The following SRFBP1 variants were observed in gnomAD, a reference collection of about 807,000 sequenced individuals.
SRFBP1 encodes the protein serum response factor binding protein 1.
In SRFBP1, 47 loss-of-function variants were observed where a neutral mutation model predicts 45.5. The observed-to-expected ratio is 1.03, with a 90% CI of 0.82 to 1.32. The LOEUF (loss-of-function observed/expected upper bound fraction) is 1.32. SRFBP1 is among the 40% of genes most tolerant of loss of function. The pLI, the probability that SRFBP1 is intolerant of heterozygous loss-of-function variation, is 0.00. For missense variants in SRFBP1, 621 were observed against 484.6 expected (o/e 1.28, Z -2.64); for synonymous variants, 203 against 166.3 (o/e 1.22, Z -1.70).
intron 4 of SRFBP1, among the ~76,000 whole-genome samples, chr5:122,007,038 A>G (rs549701228): frequency 6.6e-6 from 1 of 152,160 alleles, no homozygotes; most frequent in Non-Finnish European, 1.5e-5. Context: ...TAGTGTTTGC[A>G]TACTTGCTTT....
chr5:121,969,680 G>A (rs897785060), intron 1 of SRFBP1, among the ~76,000 whole-genome samples: 8 of 152,168 alleles, frequency 5.3e-5, no homozygotes, highest in African/African-American at 1.9e-4. Flanking sequence ...CGCTGGGTAT[G>A]TAAGTCTTAA....
intron 2 of SRFBP1, among the ~76,000 whole-genome samples, chr5:122,068,993 T>C (rs535928585): frequency 6.6e-6 from 1 of 152,218 alleles, no homozygotes; most frequent in African/African-American, 2.4e-5. Flanking sequence ...CCATAAAACC[T>C]GCCAGGTTTT....
chr5:122,072,454 GT>G (rs941501692), intron 2 of SRFBP1, among the ~76,000 whole-genome samples: 1 of 152,138 alleles, frequency 6.6e-6, no homozygotes, highest in Non-Finnish European at 1.5e-5. Context: ...GAATTCAACT[GT>G]TTTAGTTTCG....
chr5:122,024,055 T>G (rs1031072191), intron 7 of SRFBP1, among the ~76,000 whole-genome samples: 12 of 152,196 alleles, frequency 7.9e-5, no homozygotes, highest in African/African-American at 2.2e-4. Context: ...GACTTACAGG[T>G]TACTGTTTGG....
At chr5:122,031,066 A>G (rs1212041888), downstream of SRFBP1, among the ~76,000 whole-genome samples, 1 of 152,182 alleles carries the variant, frequency 6.6e-6, no homozygotes, top group Non-Finnish European at 1.5e-5. Flanking sequence ...ACTTGTGGCT[A>G]AGTATTAAAG....
intron 2 of SRFBP1, among the ~76,000 whole-genome samples, chr5:122,044,825 GAT>G (rs560779627): frequency 1.1e-3 from 174 of 151,996 alleles, no homozygotes; most frequent in African/African-American, 3.5e-3. Flanking sequence ...TTATTCTGTT[GAT>G]AGTTTCTTTT....
intron 4 of SRFBP1, among the ~76,000 whole-genome samples, chr5:122,006,857 A>C (rs1271814172): frequency 1.3e-5 from 2 of 151,984 alleles, no homozygotes; most frequent in Non-Finnish European, 2.9e-5. Context: ...TCTGAAAATA[A>C]TTATTTGAAT....
intron 1 of SRFBP1, among the ~76,000 whole-genome samples, chr5:121,964,212 A>G (rs1752012287): frequency 6.6e-6 from 1 of 151,816 alleles, no homozygotes; most frequent in Non-Finnish European, 1.5e-5. Context: ...TTTTATATGT[A>G]TACTTTAAGT....
chr5:122,004,318 T>C (rs1752937249), intron 4 of SRFBP1, among the ~76,000 whole-genome samples: 1 of 152,182 alleles, frequency 6.6e-6, no homozygotes, highest in Non-Finnish European at 1.5e-5. Context: ...TGGTGTGACA[T>C]AGTGGTCTAA....
chr5:121,963,700 C>G (rs1400445457), intron 1 of SRFBP1, among the ~76,000 whole-genome samples: 1 of 152,116 alleles, frequency 6.6e-6, no homozygotes, highest in East Asian at 1.9e-4. Context: ...ATGTGTCTAT[C>G]ATGTGTAGCA....
At chr5:122,015,546 C>T (rs146914551) in intron 4 of SRFBP1, among the ~76,000 whole-genome samples, 12 of 152,316 alleles carry the variant, frequency 7.9e-5, no homozygotes, top group East Asian at 1.9e-4. Flanking sequence ...ACAACTACTT[C>T]GCTTTACCAT....
At chr5:122,019,842 A>C (rs1753266081) in intron 5 of SRFBP1, among the ~76,000 whole-genome samples, 1 of 152,084 alleles carries the variant, frequency 6.6e-6, no homozygotes, top group East Asian at 1.9e-4. Flanking sequence ...CATAACTCCA[A>C]GACATGAAGA....
At chr5:122,022,037 T>C (rs1176243464) in intron 6 of SRFBP1, among the ~76,000 whole-genome samples, 1 of 152,072 alleles carries the variant, frequency 6.6e-6, no homozygotes, top group Non-Finnish European at 1.5e-5. Context: ...TCATTCTTCC[T>C]GTGAAAAGAC....
At chr5:122,062,993 A>C (rs2152582457) in intron 2 of SRFBP1, among the ~76,000 whole-genome samples, 1 of 152,094 alleles carries the variant, frequency 6.6e-6, no homozygotes, top group East Asian at 1.9e-4. Context: ...ACTGGTGATA[A>C]AAGTTTATGT....
At chr5:121,994,245 G>A (rs576018567) in intron 3 of SRFBP1, among the ~76,000 whole-genome samples, 1 of 151,766 alleles carries the variant, frequency 6.6e-6, no homozygotes, top group Non-Finnish European at 1.5e-5. Flanking sequence ...CCTCAGCTTT[G>A]TCTGAAACAC....
chr5:122,020,999 A>G (rs1216744691), intron 6 of SRFBP1, among the ~76,000 whole-genome samples, 197 bp downstream of exon 6: 1 of 152,192 alleles, frequency 6.6e-6, no homozygotes, highest in African/African-American at 2.4e-5. Context: ...GCCTAGTTTC[A>G]TCAGAAAATG....
chr5:122,047,034 G>A lies in SRFBP1; in HGVS notation n.311+24627G>A, dbSNP rs376333666. The stretch of plus-strand genomic sequence containing the variant: ...TGATGGTAGTTTCTTTTGCTGTGCA[G>A]AAGCTCTTTAGTTTAATTAGATCCC... On this transcript the variant is annotated intron_variant and non_coding_transcript_variant, in intron 2 of 2. Coordinates refer to the SRFBP1 transcript ENST00000504881. 1.8e-3 allele frequency among the ~76,000 whole-genome samples: 267 copies of A among 152,286 alleles called. 3 individuals carry two copies. Among genetic ancestry groups the A allele is most frequent in the East Asian group, 0.014 (73 of 5,186 alleles).
downstream of SRFBP1, chr5:122,078,116 T>G: frequency 1.2e-6 from 1 of 830,980 alleles, no homozygotes; most frequent in East Asian, 3.3e-5. Context: ...TATCTCAGTC[T>G]CCACCAAGCA....
chr5:122,061,149 C>T (rs1323374523), intron 2 of SRFBP1, among the ~76,000 whole-genome samples: 1 of 150,544 alleles, frequency 6.6e-6, no homozygotes, highest in Non-Finnish European at 1.5e-5. Context: ...AATTGTCAGA[C>T]TCAAGATTCA....
Sources: gnomAD v4.1 joint callset for allele counts (sites outside exome capture counted in the v4.1 genomes callset) on GRCh38, gnomAD v4.1.1 for gene constraint, MANE v1.5 for transcripts, NCBI Gene and HGNC (gene_info 2026-07-23, HGNC 2026-07-21) for gene names.